Variants in NRXN3 observed in about 807,000 individuals in gnomAD.
NRXN3 encodes neurexin III.
NRXN3 carries 32 observed loss-of-function variants against 137.6 expected under a neutral mutation model. The ratio of observed to expected loss-of-function variants is 0.23; its 90% confidence interval spans 0.18 to 0.31. NRXN3 has a LOEUF of 0.31. NRXN3 is among the 10% of genes least tolerant of loss of function. The pLI is 1.00. For synonymous variants in NRXN3, 798 were observed against 784.5 expected (o/e 1.02, Z -0.29); for missense variants, 1,574 against 2,062.5 (o/e 0.76, Z 4.59).
intron 15 of NRXN3, among the ~76,000 whole-genome samples, chr14:79,323,689 C>G (rs2090417379): frequency 6.6e-6 from 1 of 151,734 alleles, no homozygotes; most frequent in Non-Finnish European, 1.5e-5. Context: ...GAAACCCCAT[C>G]TCTACTAAAA....
chr14:78,752,356 C>T (rs2098647066), intron 8 of NRXN3, among the ~76,000 whole-genome samples: 1 of 152,212 alleles, frequency 6.6e-6, no homozygotes, highest in Non-Finnish European at 1.5e-5. Context: ...GCGGAGGTTG[C>T]AGTGAGCTGA....
intron 15 of NRXN3, among the ~76,000 whole-genome samples, chr14:79,393,584 G>GC (rs1258345654): frequency 6.6e-6 from 1 of 152,184 alleles, no homozygotes; most frequent in Non-Finnish European, 1.5e-5. Context: ...GGAGGCCGAG[G>GC]CGGGCGGATC....
rs148678585 is a variant in NRXN3 at position 78,624,543 on chromosome 14, G to A, written c.758-20577G>A. ...GCCAGGTGCTGGATCCTGCACAGTG[G>A]GAACATGCTCCCCTCTGCCATCTTT... On this transcript the variant is annotated intron_variant, in intron 4 of 20. Transcript: ENST00000335750. 1.4e-3 allele frequency among the ~76,000 whole-genome samples: 209 copies of A among 152,332 alleles called. 1 individual carries two copies. Among genetic ancestry groups the A allele is most frequent in the African/African-American group, 4.6e-3 (191 of 41,578 alleles).
intron 15 of NRXN3, among the ~76,000 whole-genome samples, chr14:79,067,319 T>C (rs1307490521): frequency 6.6e-6 from 1 of 152,184 alleles, no homozygotes; most frequent in African/African-American, 2.4e-5. Flanking sequence ...TGAAGCCAAC[T>C]TGATCGTGGT....
chr14:79,703,363 T>C (rs1350570487), intron 19 of NRXN3, among the ~76,000 whole-genome samples: 1 of 152,170 alleles, frequency 6.6e-6, no homozygotes, highest in African/African-American at 2.4e-5. Context: ...ATTAAAATGT[T>C]CATCCTGCGC....
intron 15 of NRXN3, among the ~76,000 whole-genome samples, chr14:79,301,434 A>G (rs2085118196): frequency 6.6e-6 from 1 of 152,014 alleles, no homozygotes; most frequent in Non-Finnish European, 1.5e-5. Flanking sequence ...CAGTGGTCAT[A>G]AAACTAATAG....
At chr14:79,378,873 A>AT (rs1463138407) in intron 15 of NRXN3, among the ~76,000 whole-genome samples, 1 of 133,434 alleles carries the variant, frequency 7.5e-6, no homozygotes, top group African/African-American at 2.6e-5. Flanking sequence ...AAATGAACAG[A>AT]TTTAAAAAAA....
In NRXN3 at chr14:79,259,630, G is replaced by A. The variant is rs2077282126; in HGVS notation, c.3263-207591G>A. Among the ~76,000 whole-genome samples, 7 of 141,398 alleles carry A rather than the reference G, an allele frequency of 5.0e-5. No homozygotes were observed. The South Asian group carries it at 8.9e-4, about 18-fold the overall frequency. 92.8% of individuals were successfully genotyped at this position (141,398 alleles called of 152,430 possible). On this transcript the variant is annotated intron_variant, in intron 15 of 20. Transcript: ENST00000335750. Reference sequence around the variant, plus strand: ...AGCTATATATATGGTTATCTATATAGCTATATATATAGTTATCTATATATA... The same window carrying A: ...AGCTATATATATGGTTATCTATATAACTATATATATAGTTATCTATATATA...
chr14:78,494,458 CT>C (rs1176985423), intron 4 of NRXN3, among the ~76,000 whole-genome samples: 13 of 98,444 alleles, frequency 1.3e-4, no homozygotes, highest in African/African-American at 3.6e-4. Context: ...CTTTTTCAAA[CT>C]TGATAAGGGA....
At chr14:79,035,454 A>T (rs987657036) in intron 15 of NRXN3, among the ~76,000 whole-genome samples, 1 of 152,058 alleles carries the variant, frequency 6.6e-6, no homozygotes, top group Non-Finnish European at 1.5e-5. Context: ...ATTCACGTGA[A>T]AAGAAAAGGT....
At chr14:79,032,789 A>G (rs2099610118) in intron 15 of NRXN3, among the ~76,000 whole-genome samples, 1 of 152,052 alleles carries the variant, frequency 6.6e-6, no homozygotes, top group African/African-American at 2.4e-5. Context: ...TAAGCACTAG[A>G]ATTTGTGTTT....
intron 10 of NRXN3, among the ~76,000 whole-genome samples, chr14:78,827,175 C>G (rs1315076471): frequency 1.3e-5 from 2 of 151,742 alleles, no homozygotes; most frequent in Non-Finnish European, 2.9e-5. Context: ...CATTTCATTT[C>G]TGTTGCTGAT....
intron 2 of NRXN3, among the ~76,000 whole-genome samples, chr14:78,246,337 T>C (rs2067672610): frequency 6.6e-6 from 1 of 152,318 alleles, no homozygotes; most frequent in African/African-American, 2.4e-5. Flanking sequence ...GTGCCATTGG[T>C]TTTTTAATAG....
intron 15 of NRXN3, among the ~76,000 whole-genome samples, chr14:79,066,858 C>G (rs187777475): frequency 4.6e-5 from 7 of 152,038 alleles, no homozygotes; most frequent in Non-Finnish European, 1.0e-4. Flanking sequence ...GCTTACGAAG[C>G]CTTTGAGCTG....
intron 15 of NRXN3, among the ~76,000 whole-genome samples, chr14:79,419,287 G>A (rs1051753549): frequency 1.3e-5 from 2 of 152,120 alleles, no homozygotes; most frequent in African/African-American, 4.8e-5. Context: ...GTAAATGACA[G>A]ACATAAGATT....
intron 1 of NRXN3, among the ~76,000 whole-genome samples, chr14:78,192,228 C>A (rs917764084): frequency 6.6e-6 from 1 of 152,116 alleles, no homozygotes; most frequent in Non-Finnish European, 1.5e-5. Context: ...AGATGTTAAA[C>A]TGATACGGGC....
chr14:79,206,021 C>G (rs1340951652), intron 15 of NRXN3, among the ~76,000 whole-genome samples: 1 of 152,118 alleles, frequency 6.6e-6, no homozygotes, highest in Non-Finnish European at 1.5e-5. Flanking sequence ...TCTGGAAGAA[C>G]ATGCATGGAG....
At chr14:78,716,534 A>G (rs1225549734) in intron 8 of NRXN3, among the ~76,000 whole-genome samples, 10 of 152,206 alleles carry the variant, frequency 6.6e-5, no homozygotes, top group Admixed American at 2.6e-4. Context: ...AAAGAAGGAC[A>G]TGGAGATTCA....
At chr14:78,393,276 C>G (rs895715143) in intron 4 of NRXN3, among the ~76,000 whole-genome samples, 1 of 151,846 alleles carries the variant, frequency 6.6e-6, no homozygotes, top group Non-Finnish European at 1.5e-5. Flanking sequence ...AGCAAGATCC[C>G]AAGTACACTT....
Sources: allele counts gnomAD v4.1 joint callset (sites outside exome capture counted in the v4.1 genomes callset), GRCh38; gene constraint gnomAD v4.1.1; transcripts MANE v1.5; gene names NCBI Gene and HGNC (gene_info 2026-07-23, HGNC 2026-07-21).